The following ABCC8 variants were observed in gnomAD, a reference collection of about 807,000 sequenced individuals.
ABCC8 encodes ATP binding cassette subfamily C member 8, also known as ATP-binding cassette sub-family C member 8.
A neutral mutation model predicts 188.0 loss-of-function variants in ABCC8; 137 were observed. That is an observed-to-expected ratio of 0.73 (90% CI 0.63 to 0.84). The LOEUF (loss-of-function observed/expected upper bound fraction) is 0.84, where lower values mean the gene tolerates loss of function less well. Among genes scored for constraint, ABCC8 ranks in the 40% least tolerant of loss-of-function variants. The pLI is 0.00. For missense variants in ABCC8, 1,750 were observed against 2,072.7 expected (o/e 0.84, Z 3.02); for synonymous variants, 797 against 846.5 (o/e 0.94, Z 1.01).
intron 8 of ABCC8, 39 bp downstream of exon 8, chr11:17,448,477 C>T: frequency 6.3e-7 from 1 of 1,585,348 alleles, no homozygotes; most frequent in East Asian, 2.2e-5. Flanking sequence ...GGTTGTGTGT[C>T]CTGCTGCCCC....
At position 17,476,826 on chromosome 11, in the gene ABCC8, C is replaced by T; in HGVS notation, c.-50G>A. ...CGGGCTCAGCTGGCTCCGCTGGCTC[C>T]GCGCGCCTGCCGCGCCTCTGTCCCT... On this transcript the variant is annotated 5_prime_UTR_variant, in exon 1 of 39. Coordinates refer to ENST00000389817, the MANE Select transcript of ABCC8 (RefSeq NM_000352.6). The T allele has an allele frequency of 6.9e-7, 1 of 1,447,024 alleles. No homozygotes were observed. The highest frequency in any genetic ancestry group is 9.1e-7 in the Non-Finnish European group (1 of 1,102,956). The allele number at this position is 1,447,024 out of a possible 1,614,324, so 89.6% of individuals were successfully genotyped here. A position where few individuals can be genotyped will look rare whatever the true frequency, so the allele number is the denominator to read the frequency against.
At chr11:17,414,370 T>C in intron 19 of ABCC8, 142 bp downstream of exon 19, 1 of 1,198,380 alleles carries the variant, frequency 8.3e-7, no homozygotes. Context: ...GTGCACCATA[T>C]GGAGAGGCTG....
At chr11:17,438,828 G>T (rs1487859476) in intron 10 of ABCC8, among the ~76,000 whole-genome samples, 1 of 152,144 alleles carries the variant, frequency 6.6e-6, no homozygotes, top group Non-Finnish European at 1.5e-5. Context: ...CTTTTGCTGT[G>T]GAAGACCTCA....
intron 12 of ABCC8, 156 bp from the exon 13 acceptor site, chr11:17,428,826 C>T: frequency 7.2e-7 from 1 of 1,394,684 alleles, no homozygotes; most frequent in Non-Finnish European, 9.6e-7. Flanking sequence ...GGCATGGGGG[C>T]AGGTAATTGG....
chr11:17,408,561 G>T, intron 22 of ABCC8, 44 bp from the exon 23 acceptor site: 1 of 1,591,414 alleles, frequency 6.3e-7, no homozygotes. Context: ...TGGCTGGGGA[G>T]GAATGGTGGT....
intron 3 of ABCC8, among the ~76,000 whole-genome samples, chr11:17,466,599 C>T (rs1848165171): frequency 6.7e-6 from 1 of 150,312 alleles, no homozygotes. Context: ...GTGATGGCTA[C>T]ACAGCACTGT....
At chr11:17,431,172 G>T in intron 11 of ABCC8, 1 of 734,264 alleles carries the variant, frequency 1.4e-6, no homozygotes, top group South Asian at 1.8e-5. Context: ...AGCAGGGGCT[G>T]CTCCCTCCCT....
chr11:17,408,262 C>T (rs1564895537), intron 23 of ABCC8, 130 bp downstream of exon 23: 1 of 890,128 alleles, frequency 1.1e-6, no homozygotes, highest in East Asian at 2.5e-5. Flanking sequence ...CCAGTTCATG[C>T]CCAGCTCCCA....
chr11:17,423,434 T>C (rs1337127020), intron 16 of ABCC8, among the ~76,000 whole-genome samples: 2 of 149,618 alleles, frequency 1.3e-5, no homozygotes, highest in African/African-American at 4.9e-5. Flanking sequence ...CAGGGTCTAG[T>C]ATACACTAGG....
chr11:17,450,681 G>A (rs1956779789), intron 7 of ABCC8, among the ~76,000 whole-genome samples: 1 of 94,244 alleles, frequency 1.1e-5, no homozygotes, highest in South Asian at 3.0e-4. Context: ...ACAGGCATGA[G>A]CCACTTTTTT....
At chr11:17,394,945 C>T (rs868058020) in intron 36 of ABCC8, 9 of 604,624 alleles carry the variant, frequency 1.5e-5, no homozygotes, top group African/African-American at 3.7e-5. Context: ...TGACTGTACC[C>T]GCTGTACCCT....
chr11:17,397,266 C>T lies in ABCC8; in HGVS notation c.3915G>A (p.Glu1305=), dbSNP rs1412687872. 3 of 1,613,516 alleles carry T rather than the reference C, an allele frequency of 1.9e-6. No individual in the cohort carries two copies. The highest frequency in any genetic ancestry group is 2.5e-6 in the Non-Finnish European group (3 of 1,180,022). Residue 1305 remains glutamate (E), a synonymous_variant, in exon 32 of 39, where the codon GAG becomes GAA. Transcript: ENST00000389817. ...TGCGCTTCACAGCCCCCAGCTGGAG[C>T]TCCATGTCTGCCAGGTTCCTCACCA... is the stretch of plus-strand genomic sequence containing the variant. ...NWMVRNLADM[E]LQLGAVKRIH...
At chr11:17,441,067 C>T (rs1956298965) in intron 10 of ABCC8, among the ~76,000 whole-genome samples, 1 of 152,188 alleles carries the variant, frequency 6.6e-6, no homozygotes, top group African/African-American at 2.4e-5. Flanking sequence ...CCAGGTGTGT[C>T]TCTTCCTGGC....
intron 38 of ABCC8, 148 bp from the exon 39 acceptor site, chr11:17,393,276 T>TGGGGTGGATG: frequency 9.0e-7 from 1 of 1,113,676 alleles, no homozygotes; most frequent in East Asian, 2.6e-5. Flanking sequence ...TGCACTTTCC[T>TGGGGTGGATG]GGGGTGGATG....
chr11:17,443,306 C>T lies in ABCC8; in HGVS notation c.1339G>A (p.Val447Met). Reference protein sequence around the residue: ...NLWAMPVQIIVGVILLYYILG... With the variant: ...NLWAMPVQIIMGVILLYYILG... ...ATGTAGTAGAGGAGAATCACACCCACAATGATCTGAGGAAGGGGTCATGGG... is the reference window on the plus strand; with the variant it reads ...ATGTAGTAGAGGAGAATCACACCCATAATGATCTGAGGAAGGGGTCATGGG... Residue 447 changes from valine (V) to methionine (M), a missense_variant, in exon 9 of 39, where the codon GTG becomes ATG. Val to Met is a conservative substitution (Grantham distance 21). Transcript: ENST00000389817. The T allele has an allele frequency of 6.2e-7, 1 of 1,614,124 alleles. No individual in the cohort carries two copies. Among genetic ancestry groups the T allele is most frequent in the South Asian group, 1.1e-5 (1 of 91,080 alleles).
intron 33 of ABCC8, chr11:17,396,263 CA>C: frequency 2.2e-6 from 1 of 457,710 alleles, no homozygotes; most frequent in South Asian, 2.1e-5. Flanking sequence ...CAGGAGGACA[CA>C]GGGGCAGCTG....
In ABCC8 at chr11:17,395,675, C is replaced by G; in HGVS notation, c.4242G>C (p.Leu1414=). ...IDGIDIAKLP[L]HTLRSRLSII... ...TGGAGAGGCGTGAGCGCAGGGTGTG[C>G]AGCGGCAGTTTGGCGATGTCAATGC... The change falls in exon 35 of 39, where the codon CTG becomes CTC. Residue 1414 remains leucine (L), a synonymous_variant. Coordinates refer to ENST00000389817, the MANE Select transcript of ABCC8 (RefSeq NM_000352.6). 6.4e-7 allele frequency: 1 copy of G among 1,560,596 alleles called. No individual in the cohort carries two copies. The highest frequency in any genetic ancestry group is 8.7e-7 in the Non-Finnish European group (1 of 1,152,132).
chr11:17,474,433 G>C (rs115706590), intron 2 of ABCC8, among the ~76,000 whole-genome samples: 1 of 152,166 alleles, frequency 6.6e-6, no homozygotes. Context: ...CCAGAGATAG[G>C]TGGGGCTGAC....
intron 3 of ABCC8, among the ~76,000 whole-genome samples, chr11:17,464,768 GT>G (rs1177536273): frequency 1.3e-5 from 2 of 152,158 alleles, no homozygotes; most frequent in African/African-American, 4.8e-5. Flanking sequence ...AACCTGTGAA[GT>G]CCCCCTTTGA....
Sources: gnomAD v4.1 joint callset for allele counts (sites outside exome capture counted in the v4.1 genomes callset) on GRCh38, gnomAD v4.1.1 for gene constraint, MANE v1.5 for transcripts, NCBI Gene and HGNC (gene_info 2026-07-23, HGNC 2026-07-21) for gene names.